The following NBR1 variants were observed in gnomAD, a reference collection of about 807,000 sequenced individuals.
The protein encoded by NBR1 is next to BRCA1 gene 1 protein.
Under a neutral mutation model 115.5 loss-of-function variants are expected in NBR1, and 59 were observed. The ratio of observed to expected loss-of-function variants is 0.51; its 90% confidence interval spans 0.41 to 0.63. NBR1 has a LOEUF of 0.63. Among genes scored for constraint, NBR1 ranks in the 30% least tolerant of loss-of-function variants. NBR1 has a pLI of 0.00. For missense variants in NBR1, 1,043 were observed against 1,150.5 expected, an observed-to-expected ratio of 0.91 and a Z score of 1.35; for synonymous variants, 373 against 414.7, an observed-to-expected ratio of 0.90 and a Z score of 1.22.
rs116222147 is a variant in NBR1, at chr17:43,191,125, G to A, written c.864-247G>A. 8.2e-3 allele frequency among the ~76,000 whole-genome samples: 1,241 copies of A among 152,172 alleles called. 17 individuals carry two copies. The highest frequency in any genetic ancestry group is 0.028 in the African/African-American group (1,172 of 41,518). On this transcript the variant is annotated intron_variant, in intron 9 of 20. Coordinates refer to ENST00000590996, the MANE Select transcript of NBR1 (RefSeq NM_005899.5). ...AAAAATTAGCCAGGCGTGGTGGTGC[G>A]TACCTATAGTTTCAGCTACTTGGGA...
chr17:43,191,595 T>C lies in NBR1; in HGVS notation c.1073+14T>C, dbSNP rs2056948513. On this transcript the variant is annotated intron_variant, in intron 10 of 20. Transcript: ENST00000590996. The stretch of plus-strand genomic sequence containing the variant: ...TAATACCCTGATGTAAGCCCAGGAC[T>C]GGGGTGGGAGCCAAAACTTTAGGCC... The C allele has an allele frequency of 6.3e-7, 1 of 1,578,966 alleles. No individual in the cohort carries two copies. The highest frequency in any genetic ancestry group is 8.6e-7 in the Non-Finnish European group (1 of 1,163,978).
chr17:43,195,390 G>C (rs1481846431), intron 14 of NBR1: 16 of 273,146 alleles, frequency 5.9e-5, no homozygotes, highest in South Asian at 5.5e-4. Context: ...GGTGGCTCAC[G>C]CCTGTAATCC....
chr17:43,202,230 A>G (rs1341970132), intron 18 of NBR1, among the ~76,000 whole-genome samples: 4 of 150,528 alleles, frequency 2.7e-5, no homozygotes, highest in Admixed American at 6.6e-5. Context: ...CTCCTCCTGC[A>G]TACTCTAATT....
chr17:43,202,521 T>G (rs2057226156), intron 18 of NBR1, 134 bp from the exon 19 acceptor site: 2 of 387,122 alleles, frequency 5.2e-6, no homozygotes, highest in Non-Finnish European at 9.0e-6. Context: ...TCCCAAATAC[T>G]TTAAAAAAAA....
At position 43,175,867 on chromosome 17, in the gene NBR1, C is replaced by A; in HGVS notation, c.68C>A (p.Pro23Gln). ...NEIQSFLVSDPENTTWADIEA... is the reference protein window; with the variant it reads ...NEIQSFLVSDQENTTWADIEA... The stretch of plus-strand genomic sequence containing the variant: ...ATTCAAAGCTTTCTGGTTTCTGATC[C>A]AGAAAATACAACTTGGGCTGATATC... The change falls in exon 2 of 21, where the codon CCA becomes CAA. Residue 23 changes from proline to glutamine, a missense_variant. Transcript: ENST00000590996. 1 of 1,604,764 alleles carries A rather than the reference C, an allele frequency of 6.2e-7. No individual in the cohort carries two copies. The highest frequency in any genetic ancestry group is 8.5e-7 in the Non-Finnish European group (1 of 1,173,204).
intron 16 of NBR1, among the ~76,000 whole-genome samples, chr17:43,197,566 C>CA (rs1294991486): frequency 6.6e-6 from 1 of 151,896 alleles, no homozygotes; most frequent in Non-Finnish European, 1.5e-5. Flanking sequence ...TTAGACTCTA[C>CA]GTATGCTACC....
intron 1 of NBR1, among the ~76,000 whole-genome samples, chr17:43,172,207 G>A (rs566986181): frequency 4.6e-5 from 7 of 152,320 alleles, no homozygotes; most frequent in South Asian, 2.1e-4. Context: ...GGCAGATAGG[G>A]TTAACCATAG....
At chr17:43,174,844 C>G (rs2056465851) in intron 1 of NBR1, among the ~76,000 whole-genome samples, 1 of 151,576 alleles carries the variant, frequency 6.6e-6, no homozygotes, top group Admixed American at 6.6e-5. Context: ...GCCTGTAATC[C>G]CAGCATTTTG....
At chr17:43,200,029 C>T in intron 16 of NBR1, 138 bp from the exon 17 acceptor site, 2 of 679,518 alleles carry the variant, frequency 2.9e-6, no homozygotes, top group Non-Finnish European at 4.9e-6. Context: ...GTTCCAGAAC[C>T]AGCCCTTCCC....
Position 43,177,806 on chromosome 17 carries a change from T to C in NBR1, c.103-130T>C, listed in dbSNP as rs1597965810. On this transcript the variant is annotated intron_variant, in intron 2 of 20. Transcript: ENST00000590996. ...CAGTTTTGCTGGTACTCTGGGTGTG[T>C]TGCAGATATTAACCCTTTGTTATGG... is the stretch of plus-strand genomic sequence containing the variant. The C allele has an allele frequency of 7.2e-6, 5 of 694,678 alleles. No homozygotes were observed. In the East Asian group the frequency reaches 1.7e-4, roughly 23 times the overall value. The allele number at this position is 694,678 out of a possible 1,614,324, so 43.0% of individuals were successfully genotyped here.
At position 43,180,810 on chromosome 17, in the gene NBR1, C is replaced by T. The variant is rs769242413; in HGVS notation, c.200C>T (p.Ala67Val). 9 of 1,445,732 alleles carry T rather than the reference C, an allele frequency of 6.2e-6. No homozygotes were observed. Among genetic ancestry groups the T allele is most frequent in the Non-Finnish European group, 7.3e-6 (8 of 1,091,610 alleles). The allele number at this position is 1,445,732 out of a possible 1,614,324, so 89.6% of individuals were successfully genotyped here. Residue 67 changes from alanine (A) to valine (V), a missense_variant, in exon 5 of 21, where the codon GCG becomes GTG. Physicochemically the swap from Ala to Val is moderately conservative, Grantham distance 64. Transcript: ENST00000590996. ...GTTCTTTTAGGAGAATATGAAGAAG[C>T]GCTTAAGGTAATGATTATTTAATCT... ...SINSQGEYEEALKMAVKQGNQ... is the reference protein window; with the variant it reads ...SINSQGEYEEVLKMAVKQGNQ...
chr17:43,203,920 C>A, intron 20 of NBR1, 134 bp downstream of exon 20: 1 of 453,482 alleles, frequency 2.2e-6, no homozygotes, highest in Non-Finnish European at 3.9e-6. Flanking sequence ...TTAGTTAACA[C>A]ACAACACAAC....
At chr17:43,207,511 C>T (rs1292241942) in intron 20 of NBR1, among the ~76,000 whole-genome samples, 1 of 152,164 alleles carries the variant, frequency 6.6e-6, no homozygotes, top group African/African-American at 2.4e-5. Flanking sequence ...GTGGGCACCA[C>T]CATGCCTAGC....
At position 43,180,800 on chromosome 17, in the gene NBR1, T is replaced by G; in HGVS notation, c.190T>G (p.Tyr64Asp). 2.1e-6 allele frequency: 3 copies of G among 1,457,022 alleles called. No homozygotes were observed. Among genetic ancestry groups the G allele is most frequent in the Non-Finnish European group, 2.7e-6 (3 of 1,096,672 alleles). The allele number at this position is 1,457,022 out of a possible 1,614,324, so 90.3% of individuals were successfully genotyped here. Residue 64 changes from tyrosine to aspartate, a missense_variant, in exon 5 of 21, where the codon TAT becomes GAT. By Grantham distance (160) the Tyr-to-Asp change is radical. Coordinates refer to ENST00000590996, the MANE Select transcript of NBR1 (RefSeq NM_005899.5). Reference sequence around the variant, plus strand: ...TATATTTTTTGTTCTTTTAGGAGAATATGAAGAAGCGCTTAAGGTAATGAT... The same window carrying G: ...TATATTTTTTGTTCTTTTAGGAGAAGATGAAGAAGCGCTTAAGGTAATGAT... ...EEVSINSQGEYEEALKMAVKQ... is the reference protein window; with the variant it reads ...EEVSINSQGEDEEALKMAVKQ...
intron 12 of NBR1, 68 bp from the exon 13 acceptor site, chr17:43,194,282 G>A: frequency 7.3e-7 from 1 of 1,373,636 alleles, no homozygotes; most frequent in Non-Finnish European, 9.9e-7. Context: ...ATTTTTGGGG[G>A]CATTGTCAGC....
Position 43,208,610 on chromosome 17 carries a change from C to T in NBR1, c.2728-1291C>T, listed in dbSNP as rs2057359673. On this transcript the variant is annotated intron_variant, in intron 20 of 20. Coordinates refer to ENST00000590996, the MANE Select transcript of NBR1 (RefSeq NM_005899.5). ...GTTTGAGTCTAAGCCTATCTGCCTC[C>T]CAAGTTAATAATCTTTCTGCTGCAC... is the stretch of plus-strand genomic sequence containing the variant. Among the ~76,000 whole-genome samples the T allele has an allele frequency of 1.3e-5, 2 of 152,118 alleles. 1 individual carries two copies. Among genetic ancestry groups the T allele is most frequent in the Admixed American group, 1.3e-4 (2 of 15,270 alleles).
chr17:43,198,195 T>G (rs1414497726), intron 16 of NBR1, among the ~76,000 whole-genome samples: 1 of 151,964 alleles, frequency 6.6e-6, no homozygotes, highest in African/African-American at 2.4e-5. Flanking sequence ...TAAATACCTT[T>G]ATAACAGAAA....
At chr17:43,171,812 C>CT (rs1261685454) in intron 1 of NBR1, among the ~76,000 whole-genome samples, 1 of 152,148 alleles carries the variant, frequency 6.6e-6, no homozygotes, top group Non-Finnish European at 1.5e-5. Context: ...TCAGGCCACA[C>CT]TTTTTTGAGA....
At chr17:43,202,507 A>G in intron 18 of NBR1, 148 bp from the exon 19 acceptor site, 1 of 572,388 alleles carries the variant, frequency 1.7e-6, no homozygotes, top group African/African-American at 1.9e-5. Flanking sequence ...CTACCCTTAA[A>G]ACTTCCCAAA....
Sources: gnomAD v4.1 joint callset for allele counts (sites outside exome capture counted in the v4.1 genomes callset) on GRCh38, gnomAD v4.1.1 for gene constraint, MANE v1.5 for transcripts, NCBI Gene and HGNC (gene_info 2026-07-23, HGNC 2026-07-21) for gene names.